The following FUT8 variants were observed in gnomAD, a reference collection of about 807,000 sequenced individuals.
FUT8 encodes alpha-(1,6)-fucosyltransferase.
A neutral mutation model predicts 71.3 loss-of-function variants in FUT8; 29 were observed. The observed-to-expected ratio is 0.41, with a 90% CI of 0.30 to 0.55. The LOEUF (loss-of-function observed/expected upper bound fraction) is 0.55. Among genes scored for constraint, FUT8 ranks in the 20% least tolerant of loss-of-function variants. The pLI is 0.34. For missense variants in FUT8, 544 were observed against 702.1 expected, an observed-to-expected ratio of 0.77 and a Z score of 2.55; for synonymous variants, 254 against 239.3, an observed-to-expected ratio of 1.06 and a Z score of -0.57.
At chr14:65,439,956 A>ATACG (rs1555361001) in intron 1 of FUT8, among the ~76,000 whole-genome samples, 9 of 30,670 alleles carry the variant, frequency 2.9e-4, no homozygotes, top group Admixed American at 2.0e-3. Context: ...GTGTGTGTGT[A>ATACG]TATATATATA....
rs189821677 is a variant in FUT8, at chr14:65,492,045, G to A, written c.-228+36327G>A. ...AGACATTAAAAAAATGAATAATTTT[G>A]AATTAGTTACTTGGACTTGTGAGCT... On this transcript the variant is annotated intron_variant, in intron 2 of 10. Transcript: ENST00000673929. Among the ~76,000 whole-genome samples the A allele has an allele frequency of 2.8e-3, 433 of 152,200 alleles. 3 individuals carry two copies. The highest frequency in any genetic ancestry group is 9.9e-3 in the African/African-American group (412 of 41,540).
chr14:65,632,725 CT>C (rs557519019), intron 6 of FUT8, among the ~76,000 whole-genome samples: 158 of 152,212 alleles, frequency 1.0e-3, no homozygotes, highest in Middle Eastern at 3.4e-3. Context: ...GTTTAATTAC[CT>C]CTGAGCTATT....
At chr14:65,428,553 A>G (rs1241785524) in intron 1 of FUT8, among the ~76,000 whole-genome samples, 1 of 152,214 alleles carries the variant, frequency 6.6e-6, no homozygotes, top group Non-Finnish European at 1.5e-5. Context: ...ATTTTGTTAT[A>G]GCACCCCAAA....
chr14:65,545,311 G>A (rs149570357), intron 2 of FUT8, among the ~76,000 whole-genome samples: 1 of 151,958 alleles, frequency 6.6e-6, no homozygotes, highest in East Asian at 1.9e-4. Context: ...ATAGAGTCTT[G>A]GGCACATATT....
At chr14:65,589,383 C>CT (rs138843041) in intron 3 of FUT8, among the ~76,000 whole-genome samples, 1,528 of 151,122 alleles carry the variant, frequency 0.01, 33 homozygotes, top group African/African-American at 0.036. Flanking sequence ...CACCATGGCA[C>CT]TTCCCAGACC....
chr14:65,388,618 C>A, the FUT8 span, among the ~76,000 whole-genome samples: 6 of 152,084 alleles, frequency 3.9e-5, no homozygotes, highest in South Asian at 1.3e-3. Flanking sequence ...AAAAATTAGC[C>A]GGGCGTGATG....
the FUT8 span, among the ~76,000 whole-genome samples, chr14:65,362,643 C>T: frequency 6.6e-6 from 1 of 152,162 alleles, no homozygotes; most frequent in South Asian, 2.1e-4. Context: ...CTAGACCTGA[C>T]CCCAGATATC....
chr14:65,714,300 G>A lies in FUT8; in HGVS notation c.836-7475G>A, dbSNP rs551250660. Among the ~76,000 whole-genome samples, 15 of 152,238 alleles carry A rather than the reference G, an allele frequency of 9.9e-5. No individual in the cohort carries two copies. The South Asian group carries it at 3.1e-3, about 32-fold the overall frequency. On this transcript the variant is annotated intron_variant, in intron 7 of 10. Coordinates refer to ENST00000673929, the MANE Select transcript of FUT8 (RefSeq NM_001371533.1). ...CACGTTTTTATGCTAGTGCCATGCTGTTTTGGTTACTGTAGCTCCATAGTA... is the reference window on the plus strand; with the variant it reads ...CACGTTTTTATGCTAGTGCCATGCTATTTTGGTTACTGTAGCTCCATAGTA...
intron 2 of FUT8, among the ~76,000 whole-genome samples, chr14:65,524,405 A>T (rs1883300797): frequency 6.6e-6 from 1 of 152,054 alleles, no homozygotes; most frequent in Admixed American, 6.5e-5. Context: ...AATGCTTGTG[A>T]TTTTTGCACA....
the FUT8 span, among the ~76,000 whole-genome samples, chr14:65,368,792 G>A: frequency 2.6e-5 from 4 of 152,070 alleles, no homozygotes; most frequent in African/African-American, 9.7e-5. Context: ...AAAGTGCTGG[G>A]ATTACAGGCA....
At chr14:65,649,557 T>C (rs1891266180) in intron 6 of FUT8, among the ~76,000 whole-genome samples, 1 of 152,184 alleles carries the variant, frequency 6.6e-6, no homozygotes, top group Admixed American at 6.5e-5. Context: ...GCCCTGCCTT[T>C]TGTACTTAAA....
At chr14:65,462,858 G>C (rs144617550) in intron 2 of FUT8, among the ~76,000 whole-genome samples, 1 of 152,328 alleles carries the variant, frequency 6.6e-6, no homozygotes, top group Non-Finnish European at 1.5e-5. Context: ...AAAAGTTACT[G>C]AAGTAGGAGA....
intron 5 of FUT8, among the ~76,000 whole-genome samples, chr14:65,617,927 G>C (rs984070908): frequency 2.0e-5 from 3 of 150,456 alleles, no homozygotes; most frequent in African/African-American, 7.3e-5. Context: ...CTGGGCAACA[G>C]AGCAAGACTC....
chr14:65,614,747 A>G (rs1889191626), intron 3 of FUT8, among the ~76,000 whole-genome samples: 1 of 152,236 alleles, frequency 6.6e-6, no homozygotes, highest in Non-Finnish European at 1.5e-5. Flanking sequence ...TTATTACAAA[A>G]TGGCTCACCT....
chr14:65,606,682 A>G (rs922138272), intron 3 of FUT8, among the ~76,000 whole-genome samples: 1 of 151,842 alleles, frequency 6.6e-6, no homozygotes, highest in Admixed American at 6.6e-5. Context: ...CCAATACTAC[A>G]CTGTTTCCAT....
In FUT8 at chr14:65,669,256, G is replaced by T; in HGVS notation, c.611G>T (p.Cys204Phe). The change falls in exon 7 of 11, where the codon TGC becomes TTC. Residue 204 changes from cysteine to phenylalanine, a missense_variant. Coordinates refer to ENST00000673929, the MANE Select transcript of FUT8 (RefSeq NM_001371533.1). This position sits in a 1 kb window ranked among gnomAD's most constrained non-coding sequence, Gnocchi z 4.5. ...RITYLQNPKD[C>F]SKAKKLVCNI... Reference sequence around the variant, plus strand: ...TCTCCCTGACAGAATCCCAAGGACTGCAGCAAAGCCAAAAAGCTGGTGTGT... The same window carrying T: ...TCTCCCTGACAGAATCCCAAGGACTTCAGCAAAGCCAAAAAGCTGGTGTGT... The T allele has an allele frequency of 1.9e-6, 3 of 1,613,280 alleles. No individual in the cohort carries two copies. Among genetic ancestry groups the T allele is most frequent in the Non-Finnish European group, 2.5e-6 (3 of 1,179,674 alleles).
intron 3 of FUT8, among the ~76,000 whole-genome samples, chr14:65,602,343 TCACACA>T (rs1163052408): frequency 0.11 from 5,187 of 48,234 alleles, 242 homozygotes; most frequent in Non-Finnish European, 0.12. Context: ...GTTCCATCTC[TCACACA>T]CACACACACA....
chr14:65,509,397 A>T (rs1882184636), intron 2 of FUT8, among the ~76,000 whole-genome samples: 2 of 152,008 alleles, frequency 1.3e-5, no homozygotes, highest in Non-Finnish European at 2.9e-5. Context: ...GGCTTTGGTT[A>T]TTCTGAGTCT....
chr14:65,527,197 T>C (rs1376247105), intron 2 of FUT8, among the ~76,000 whole-genome samples: 6 of 152,200 alleles, frequency 3.9e-5, no homozygotes, highest in Admixed American at 6.5e-5. Context: ...CTTTCAGGTA[T>C]GCCAATCAGA....
Sources: gnomAD v4.1 joint callset for allele counts (sites outside exome capture counted in the v4.1 genomes callset) on GRCh38, gnomAD v4.1.1 for gene constraint, Gnocchi (gnomAD v3.1) non-coding constraint, MANE v1.5 for transcripts, NCBI Gene and HGNC (gene_info 2026-07-23, HGNC 2026-07-21) for gene names.